RNF125: variants seen among roughly 807,000 people sequenced by gnomAD.
RNF125 encodes ring finger protein 125.
In RNF125, 21 loss-of-function variants were observed where a neutral mutation model predicts 26.0. That is an observed-to-expected ratio of 0.81 (90% confidence interval 0.57 to 1.16). RNF125 has a LOEUF of 1.16. RNF125 is among the 50% of genes most tolerant of loss of function. The probability of loss-of-function intolerance (pLI) is 0.00; values close to 1 mark genes in which losing one functional copy is unlikely to be tolerated. For synonymous variants in RNF125, 95 were observed against 109.2 expected (o/e 0.87, Z 0.81); for missense variants, 270 against 299.4 (o/e 0.90, Z 0.72).
chr18:32,028,297 TAAAAAAAA>T (rs1156859954), intron 1 of RNF125, among the ~76,000 whole-genome samples: 4 of 72,382 alleles, frequency 5.5e-5, no homozygotes, highest in African/African-American at 1.2e-4. Context: ...GACTCCGTCT[TAAAAAAAA>T]AAAAAAAAAA....
intron 1 of RNF125, among the ~76,000 whole-genome samples, chr18:32,036,558 A>T (rs1476519729): frequency 1.2e-5 from 1 of 85,448 alleles, no homozygotes; most frequent in Non-Finnish European, 2.4e-5. Context: ...CTTGACCAGA[A>T]AGGAAGGAAG....
chr18:32,079,527 T>C, the RNF125 span, among the ~76,000 whole-genome samples: 1 of 152,222 alleles, frequency 6.6e-6, no homozygotes, highest in Non-Finnish European at 1.5e-5. Context: ...AAAATTATAA[T>C]GAAGAAAGCA....
At chr18:32,063,978 T>C (rs2144513127) in intron 4 of RNF125, among the ~76,000 whole-genome samples, 1 of 152,094 alleles carries the variant, frequency 6.6e-6, no homozygotes, top group African/African-American at 2.4e-5. Context: ...CTTTTTTTTT[T>C]TTTTAATCCA....
chr18:32,078,419 A>G, the RNF125 span, among the ~76,000 whole-genome samples: 1 of 148,308 alleles, frequency 6.7e-6, no homozygotes, highest in Non-Finnish European at 1.5e-5. Context: ...GTCATTAGAT[A>G]GGTGAATATC....
intron 1 of RNF125, among the ~76,000 whole-genome samples, chr18:32,019,823 A>T (rs1412304601): frequency 6.6e-6 from 1 of 152,238 alleles, no homozygotes; most frequent in Non-Finnish European, 1.5e-5. Flanking sequence ...CGGAAATTAC[A>T]GAGTAAAATA....
intron 1 of RNF125, among the ~76,000 whole-genome samples, chr18:32,030,847 G>GA (rs1165068679): frequency 6.6e-6 from 1 of 152,172 alleles, no homozygotes; most frequent in Non-Finnish European, 1.5e-5. Context: ...AAATGCACGT[G>GA]AGAGAGCTCG....
chr18:32,037,539 A>C (rs559176421), intron 2 of RNF125, among the ~76,000 whole-genome samples: 2 of 151,372 alleles, frequency 1.3e-5, no homozygotes, highest in South Asian at 2.1e-4. Flanking sequence ...CGCCTGGCTA[A>C]TTTTTTGTAT....
At chr18:32,055,686 A>G (rs1301732920) in intron 4 of RNF125, among the ~76,000 whole-genome samples, 1 of 152,034 alleles carries the variant, frequency 6.6e-6, no homozygotes, top group African/African-American at 2.4e-5. Flanking sequence ...GGGGATTATT[A>G]AGAGAACACT....
chr18:32,044,027 G>T (rs1447553951), intron 3 of RNF125, among the ~76,000 whole-genome samples: 2 of 151,134 alleles, frequency 1.3e-5, no homozygotes, highest in Non-Finnish European at 2.9e-5. Flanking sequence ...TTCTTTTTGA[G>T]ATGGAGTCTT....
intron 4 of RNF125, 30 bp downstream of exon 4, chr18:32,045,762 A>G (rs1262663188): frequency 2.2e-6 from 3 of 1,379,444 alleles, no homozygotes; most frequent in South Asian, 1.2e-5. Flanking sequence ...GTATTACAGC[A>G]ATGTCTGAAT....
At chr18:32,080,425 A>C in the RNF125 span, among the ~76,000 whole-genome samples, 1 of 152,258 alleles carries the variant, frequency 6.6e-6, no homozygotes, top group Non-Finnish European at 1.5e-5. Flanking sequence ...TCTTATAACA[A>C]AATCATACTG....
chr18:32,035,969 A>G (rs2039148842), intron 1 of RNF125, among the ~76,000 whole-genome samples: 1 of 152,106 alleles, frequency 6.6e-6, no homozygotes, highest in Admixed American at 6.6e-5. Context: ...CCTGACCAAC[A>G]TGGTGAAACC....
At chr18:32,077,746 A>C (rs1418415217), downstream of RNF125, among the ~76,000 whole-genome samples, 4 of 151,550 alleles carry the variant, frequency 2.6e-5, no homozygotes, top group Admixed American at 2.6e-4. Context: ...GTCATGTACC[A>C]TTTTTCTCTC....
Position 32,070,704 on chromosome 18 carries a change from A to G in RNF125, c.*2320A>G, listed in dbSNP as rs1598830345. 6.9e-6 allele frequency: 1 copy of G among 145,758 alleles called. No homozygotes were observed. Among genetic ancestry groups the G allele is most frequent in the African/African-American group, 2.5e-5 (1 of 39,798 alleles). 9.0% of individuals were successfully genotyped at this position (145,758 alleles called of 1,614,324 possible). A position where few individuals can be genotyped will look rare whatever the true frequency, so the allele number is the denominator to read the frequency against. On this transcript the variant is annotated 3_prime_UTR_variant, in exon 6 of 6. Coordinates refer to ENST00000217740, the MANE Select transcript of RNF125 (RefSeq NM_017831.4). The stretch of plus-strand genomic sequence containing the variant: ...CATTTGCTTTTCTCATTCTTTCCCA[A>G]TTTTTTTTTTTTTTTGAGATGGAGT...
chr18:32,076,254 G>A, downstream of RNF125: 1 of 414,378 alleles, frequency 2.4e-6, no homozygotes, highest in Non-Finnish European at 4.6e-6. Flanking sequence ...GCATCAGCCA[G>A]GACATTTATG....
chr18:32,063,716 C>T (rs1342804456), intron 4 of RNF125, among the ~76,000 whole-genome samples: 1 of 152,076 alleles, frequency 6.6e-6, no homozygotes, highest in Non-Finnish European at 1.5e-5. Context: ...TGTGGGACAT[C>T]CATACATGAA....
chr18:32,046,596 C>CAAA (rs34644068), intron 4 of RNF125, among the ~76,000 whole-genome samples: 9 of 95,902 alleles, frequency 9.4e-5, no homozygotes, highest in Admixed American at 1.2e-4. Flanking sequence ...GACTCTGTCT[C>CAAA]AAAAAAAAAA....
intron 4 of RNF125, among the ~76,000 whole-genome samples, chr18:32,058,756 T>C (rs1235661433): frequency 6.6e-6 from 1 of 152,182 alleles, no homozygotes; most frequent in Admixed American, 6.6e-5. Flanking sequence ...CCATTAACCA[T>C]GCCCACTTCC....
chr18:32,030,078 T>C (rs564301699), intron 1 of RNF125, among the ~76,000 whole-genome samples: 1 of 152,348 alleles, frequency 6.6e-6, no homozygotes, highest in Admixed American at 6.5e-5. Flanking sequence ...CCAGTCTCGC[T>C]CTGTCACCCA....
Sources: gnomAD v4.1 joint callset for allele counts (sites outside exome capture counted in the v4.1 genomes callset) on GRCh38, gnomAD v4.1.1 for gene constraint, MANE v1.5 for transcripts, NCBI Gene and HGNC (gene_info 2026-07-23, HGNC 2026-07-21) for gene names.